Variants in RFTN1 observed in about 807,000 individuals in gnomAD.
RFTN1 encodes the protein raftlin.
In RFTN1, 26 loss-of-function variants were observed where a neutral mutation model predicts 46.5. The observed-to-expected ratio is 0.56, with a 90% CI of 0.41 to 0.78. RFTN1 has a LOEUF of 0.78. Among genes scored for constraint, RFTN1 ranks in the 30% least tolerant of loss-of-function variants. The pLI, the probability that RFTN1 is intolerant of heterozygous loss-of-function variation, is 0.00. For missense variants in RFTN1, 693 were observed against 718.7 expected (o/e 0.96, Z 0.41); for synonymous variants, 261 against 284.2 (o/e 0.92, Z 0.82).
Position 16,447,838 on chromosome 3 carries a change from G to A in RFTN1, c.146-13801C>T, listed in dbSNP as rs190165932. Among the ~76,000 whole-genome samples, 39 of 152,338 alleles carry A rather than the reference G, an allele frequency of 2.6e-4. No homozygotes were observed. The highest frequency in any genetic ancestry group is 2.1e-3 in the Admixed American group (32 of 15,306). ...AGGAATGTACTTTCTGGACTTGCCAGTGATCACTTACTGAGATGGGCCATG... is the reference window on the plus strand; with the variant it reads ...AGGAATGTACTTTCTGGACTTGCCAATGATCACTTACTGAGATGGGCCATG... On this transcript the variant is annotated intron_variant, in intron 2 of 9. Coordinates refer to ENST00000334133, the MANE Select transcript of RFTN1 (RefSeq NM_015150.2). The surrounding 1 kb of genome is among the most constrained non-coding windows in gnomAD (Gnocchi z 5.9).
intron 2 of RFTN1, among the ~76,000 whole-genome samples, chr3:16,467,736 G>A (rs115312033): frequency 3.9e-5 from 6 of 152,352 alleles, no homozygotes; most frequent in Non-Finnish European, 7.3e-5. Flanking sequence ...GGGCATGCAA[G>A]TGAATGGAAA....
Position 16,473,790 on chromosome 3 carries a change from G to A in RFTN1, c.145+19935C>T, listed in dbSNP as rs1379316089. On this transcript the variant is annotated intron_variant, in intron 2 of 9. Coordinates refer to ENST00000334133, the MANE Select transcript of RFTN1 (RefSeq NM_015150.2). This position sits in a 1 kb window ranked among gnomAD's most constrained non-coding sequence, Gnocchi z 5.3. The stretch of plus-strand genomic sequence containing the variant: ...CCCTGCTGGCTACTCCCTCAGAGAC[G>A]GAGAGTCCCTCAAAGTCCTCCCACT... Among the ~76,000 whole-genome samples, 1 of 149,744 alleles carries A rather than the reference G, an allele frequency of 6.7e-6. No homozygotes were observed. The highest frequency in any genetic ancestry group is 1.5e-5 in the Non-Finnish European group (1 of 66,698).
rs2071536648 is a variant in RFTN1 at position 16,344,868 on chromosome 3, A to G, written c.1146+13064T>C. On this transcript the variant is annotated intron_variant, in intron 7 of 9. Coordinates refer to ENST00000334133, the MANE Select transcript of RFTN1 (RefSeq NM_015150.2). The surrounding 1 kb of genome is among the most constrained non-coding windows in gnomAD (Gnocchi z 4.4). Reference sequence around the variant, plus strand: ...GGTAGTGAGTGAACACATAACTACAAGAACACCCCCCAACCTTTTATGCTC... The same window carrying G: ...GGTAGTGAGTGAACACATAACTACAGGAACACCCCCCAACCTTTTATGCTC... 6.6e-6 allele frequency among the ~76,000 whole-genome samples: 1 copy of G among 152,248 alleles called. No individual in the cohort carries two copies. The highest frequency in any genetic ancestry group is 2.4e-5 in the African/African-American group (1 of 41,462).
rs1218408390 is a variant in RFTN1 at position 16,387,070 on chromosome 3, C to T, written c.442-8968G>A. ...CCAGCAGTGAAGACCCAGAAAGCTG[C>T]TTTAAGAGGCACACAGATGAGTGTT... On this transcript the variant is annotated intron_variant, in intron 4 of 9. Coordinates refer to ENST00000334133, the MANE Select transcript of RFTN1 (RefSeq NM_015150.2). The surrounding 1 kb of genome is among the most constrained non-coding windows in gnomAD (Gnocchi z 5.2). Among the ~76,000 whole-genome samples the T allele has an allele frequency of 6.6e-6, 1 of 152,216 alleles. No homozygotes were observed. Among genetic ancestry groups the T allele is most frequent in the East Asian group, 1.9e-4 (1 of 5,196 alleles).
rs898995410 is a variant in RFTN1, at chr3:16,486,083, C to T, written c.145+7642G>A. Among the ~76,000 whole-genome samples the T allele has an allele frequency of 2.6e-5, 4 of 152,320 alleles. No homozygotes were observed. In the South Asian group the frequency reaches 8.3e-4, roughly 32 times the overall value. ...CTCGTGTCATCCCAGGTGCCCAGCA[C>T]ACCCACCTCCTCCTCTGCTTTCTGC... On this transcript the variant is annotated intron_variant, in intron 2 of 9. Transcript: ENST00000334133.
At chr3:16,386,572 T>C (rs2074181927) in intron 4 of RFTN1, among the ~76,000 whole-genome samples, 1 of 152,232 alleles carries the variant, frequency 6.6e-6, no homozygotes, top group Admixed American at 6.5e-5. Context: ...GTATTTGCAA[T>C]GTTCCTACAC....
rs1406410455 is a variant in RFTN1 at position 16,458,683 on chromosome 3, TA to T, written c.146-24647del. Among the ~76,000 whole-genome samples, 2 of 152,288 alleles carry T rather than the reference TA, an allele frequency of 1.3e-5. No homozygotes were observed. Among genetic ancestry groups the T allele is most frequent in the Middle Eastern group, 6.8e-3 (2 of 294 alleles). ...TATTTAGATGTCAAATTCCAGCAACTAAAAACTCAGATCCACAAAACAGCAA... is the reference window on the plus strand; with the variant it reads ...TATTTAGATGTCAAATTCCAGCAACTAAAACTCAGATCCACAAAACAGCAA... On this transcript the variant is annotated intron_variant, in intron 2 of 9. Transcript: ENST00000334133. The surrounding 1 kb of genome is among the most constrained non-coding windows in gnomAD (Gnocchi z 5.1).
At chr3:16,340,861 T>G (rs1049392996) in intron 7 of RFTN1, among the ~76,000 whole-genome samples, 4 of 152,006 alleles carry the variant, frequency 2.6e-5, no homozygotes, top group Admixed American at 6.6e-5. Context: ...CTCAAGAGAA[T>G]GAGAAGACAA....
chr3:16,373,308 C>T (rs561318), intron 5 of RFTN1, among the ~76,000 whole-genome samples: 86,325 of 152,054 alleles, frequency 0.57, 26,472 homozygotes, highest in African/African-American at 0.8. Flanking sequence ...CCCCACCTTG[C>T]CTCATTTAGA....
At position 16,460,780 on chromosome 3, in the gene RFTN1, AG is replaced by A. The variant is rs1159317616; in HGVS notation, c.146-26744del. On this transcript the variant is annotated intron_variant, in intron 2 of 9. Transcript: ENST00000334133. This position sits in a 1 kb window ranked among gnomAD's most constrained non-coding sequence, Gnocchi z 4.8. ...TCTAAAACCATAGAGAATATTTTAG[AG>A]CTAGATGGTTCCAGAAAATCTGAGA... 1.3e-5 allele frequency among the ~76,000 whole-genome samples: 2 copies of A among 152,152 alleles called. No homozygotes were observed. Among genetic ancestry groups the A allele is most frequent in the Non-Finnish European group, 2.9e-5 (2 of 68,028 alleles).
intron 7 of RFTN1, chr3:16,347,754 C>T (rs755745609): frequency 1.3e-5 from 2 of 152,306 alleles, no homozygotes; most frequent in South Asian, 4.1e-4. Flanking sequence ...GCACTGTAAG[C>T]ATTTTGTTTA....
chr3:16,454,905 G>A (rs530110601), intron 2 of RFTN1: 66 of 441,810 alleles, frequency 1.5e-4, no homozygotes, highest in African/African-American at 7.9e-4. Context: ...AAATGACTAC[G>A]TGATTGAAAA....
At position 16,479,643 on chromosome 3, in the gene RFTN1, G is replaced by T. The variant is rs994875115; in HGVS notation, c.145+14082C>A. On this transcript the variant is annotated intron_variant, in intron 2 of 9. Coordinates refer to ENST00000334133, the MANE Select transcript of RFTN1 (RefSeq NM_015150.2). The surrounding 1 kb of genome is among the most constrained non-coding windows in gnomAD (Gnocchi z 5.1). Reference sequence around the variant, plus strand: ...CTGAAGACCGGTGAGCCCATGCTCAGGGCATCTTTGATGCATCTATTAAGG... The same window carrying T: ...CTGAAGACCGGTGAGCCCATGCTCATGGCATCTTTGATGCATCTATTAAGG... Among the ~76,000 whole-genome samples the T allele has an allele frequency of 6.6e-6, 1 of 152,182 alleles. No individual in the cohort carries two copies. The highest frequency in any genetic ancestry group is 2.4e-5 in the African/African-American group (1 of 41,444).
chr3:16,361,917 C>A lies in RFTN1; in HGVS notation c.1031-3870G>T, dbSNP rs1029369910. 6.6e-5 allele frequency among the ~76,000 whole-genome samples: 10 copies of A among 152,232 alleles called. No homozygotes were observed. Among genetic ancestry groups the A allele is most frequent in the African/African-American group, 2.4e-4 (10 of 41,464 alleles). ...CAGTGGAGCCCAGCTGAGACCAGTT[C>A]TGCCTCAACAGAGCTGCTCCAGCCA... On this transcript the variant is annotated intron_variant, in intron 6 of 9. Coordinates refer to ENST00000334133, the MANE Select transcript of RFTN1 (RefSeq NM_015150.2). This position sits in a 1 kb window ranked among gnomAD's most constrained non-coding sequence, Gnocchi z 4.3.
In RFTN1 at chr3:16,480,655, C is replaced by T. The variant is rs2124968118; in HGVS notation, c.145+13070G>A. On this transcript the variant is annotated intron_variant, in intron 2 of 9. Transcript: ENST00000334133. This position sits in a 1 kb window ranked among gnomAD's most constrained non-coding sequence, Gnocchi z 4.3. ...ATTTCGTAGATAAAATTCAACAGGA[C>T]TCCTGTCTTCTGAAGCATTGGTGAA... Among the ~76,000 whole-genome samples the T allele has an allele frequency of 6.6e-6, 1 of 152,270 alleles. No individual in the cohort carries two copies. Among genetic ancestry groups the T allele is most frequent in the African/African-American group, 2.4e-5 (1 of 41,548 alleles).
chr3:16,323,619 A>G (rs757843668), intron 8 of RFTN1, among the ~76,000 whole-genome samples, 162 bp from the exon 9 acceptor site: 5 of 152,146 alleles, frequency 3.3e-5, no homozygotes, highest in African/African-American at 1.2e-4. Flanking sequence ...AGGCCATCCA[A>G]CCTTGCTTCC....
rs1456108122 is a variant in RFTN1, at chr3:16,351,262, G to A, written c.1146+6670C>T. Among the ~76,000 whole-genome samples the A allele has an allele frequency of 6.6e-6, 1 of 152,168 alleles. No homozygotes were observed. On this transcript the variant is annotated intron_variant, in intron 7 of 9. Transcript: ENST00000334133. This position sits in a 1 kb window ranked among gnomAD's most constrained non-coding sequence, Gnocchi z 5.4. ...AGATTCCTGCAGCGCGCCAAGGACT[G>A]TGTCCTTGATCCAGTCTGTTTGCCA... is the stretch of plus-strand genomic sequence containing the variant.
At position 16,370,028 on chromosome 3, in the gene RFTN1, A is replaced by G; in HGVS notation, c.1030+48T>C. ...AGGGACTAAGATTTCAAGAGTTAGA[A>G]GCAGAGTTCACAAAGGGCCACCCAA... is the stretch of plus-strand genomic sequence containing the variant. On this transcript the variant is annotated intron_variant, in intron 6 of 9. Transcript: ENST00000334133. This position sits in a 1 kb window ranked among gnomAD's most constrained non-coding sequence, Gnocchi z 5.5. 1.3e-6 allele frequency: 2 copies of G among 1,542,202 alleles called. No homozygotes were observed. Among genetic ancestry groups the G allele is most frequent in the Non-Finnish European group, 1.8e-6 (2 of 1,114,734 alleles).
intron 2 of RFTN1, among the ~76,000 whole-genome samples, chr3:16,488,125 G>A (rs1416898800): frequency 4.1e-5 from 6 of 147,156 alleles, no homozygotes; most frequent in South Asian, 2.1e-4. Context: ...TTTTTGAGAC[G>A]GAGTTTCACT....
Sources: gnomAD v4.1 joint callset for allele counts (sites outside exome capture counted in the v4.1 genomes callset) on GRCh38, gnomAD v4.1.1 for gene constraint, Gnocchi (gnomAD v3.1) non-coding constraint, MANE v1.5 for transcripts, NCBI Gene and HGNC (gene_info 2026-07-23, HGNC 2026-07-21) for gene names.